Variants in CALM3 observed in about 807,000 individuals in gnomAD.
CALM3 encodes the protein calmodulin 3.
In CALM3, 5 loss-of-function variants were observed where a neutral mutation model predicts 20.1. The ratio of observed to expected loss-of-function variants is 0.25; its 90% CI spans 0.13 to 0.52. The LOEUF is 0.52. Among genes scored for constraint, CALM3 ranks in the 20% least tolerant of loss-of-function variants. The probability of loss-of-function intolerance (pLI) is 0.96; values close to 1 mark genes in which losing one functional copy is unlikely to be tolerated. For missense variants in CALM3, 57 were observed against 192.8 expected, an observed-to-expected ratio of 0.30 and a Z score of 4.17; for synonymous variants, 69 against 68.1, an observed-to-expected ratio of 1.01 and a Z score of -0.06.
chr19:46,607,498 C>T (rs1398200967), intron 2 of CALM3, among the ~76,000 whole-genome samples: 1 of 152,204 alleles, frequency 6.6e-6, no homozygotes, highest in Non-Finnish European at 1.5e-5. Context: ...CCTGATGCGG[C>T]CCCAGCTGTG....
chr19:46,609,049 A>T, intron 5 of CALM3, 68 bp downstream of exon 5: 3 of 1,612,230 alleles, frequency 1.9e-6, no homozygotes, highest in East Asian at 2.2e-5. Flanking sequence ...AAGCCCCCAG[A>T]TCCCTCTTGT....
In CALM3 at chr19:46,609,966, G is replaced by C. The variant is rs757560245; in HGVS notation, c.*813G>C. ...ACATCCCATGCCGCTCCCTCCTCAC[G>C]ATGCACCCACCGCCCTGAGGGCCCG... On this transcript the variant is annotated 3_prime_UTR_variant, in exon 6 of 6. Coordinates refer to ENST00000291295, the MANE Select transcript of CALM3 (RefSeq NM_005184.4). 1 of 152,726 alleles carries C rather than the reference G, an allele frequency of 6.5e-6. No individual in the cohort carries two copies. The highest frequency in any genetic ancestry group is 1.5e-5 in the Non-Finnish European group (1 of 68,136). 9.5% of individuals were successfully genotyped at this position (152,726 alleles called of 1,614,324 possible).
chr19:46,608,378 G>A lies in CALM3; in HGVS notation c.178+38G>A, dbSNP rs1409940435. ...GAGCGCGTGGGCAGCCCTGCTCCTGGTCACCCCGAGTGACTGCAGGGAGCC... is the reference window on the plus strand; with the variant it reads ...GAGCGCGTGGGCAGCCCTGCTCCTGATCACCCCGAGTGACTGCAGGGAGCC... On this transcript the variant is annotated intron_variant, in intron 3 of 5. Transcript: ENST00000291295. This position sits in a 1 kb window ranked among gnomAD's most constrained non-coding sequence, Gnocchi z 5.5. 3 of 1,612,614 alleles carry A rather than the reference G, an allele frequency of 1.9e-6. No individual in the cohort carries two copies. Among genetic ancestry groups the A allele is most frequent in the Admixed American group, 1.7e-5 (1 of 59,968 alleles).
chr19:46,607,311 A>G (rs999242582), intron 2 of CALM3, among the ~76,000 whole-genome samples: 41 of 152,060 alleles, frequency 2.7e-4, no homozygotes, highest in African/African-American at 8.7e-4. Flanking sequence ...GTGCAACATA[A>G]ACGGTCTGCT....
At chr19:46,607,580 C>G (rs889055834) in intron 2 of CALM3, among the ~76,000 whole-genome samples, 1 of 152,206 alleles carries the variant, frequency 6.6e-6, no homozygotes, top group Non-Finnish European at 1.5e-5. Context: ...TCCATCCCCC[C>G]ATCAACCCCA....
chr19:46,601,102 G>A, upstream of CALM3: 1 of 952,886 alleles, frequency 1.0e-6, no homozygotes, highest in African/African-American at 1.7e-5. The surrounding 1 kb of genome is among the most constrained non-coding windows in gnomAD (Gnocchi z 4.2). Flanking sequence ...CCGGCGACGG[G>A]AGCGAGCGCG....
intron 2 of CALM3, chr19:46,606,399 G>A (rs2122233742): frequency 6.5e-6 from 1 of 152,998 alleles, no homozygotes; most frequent in African/African-American, 2.4e-5. Flanking sequence ...TGTCCCCTCG[G>A]GGAGGCCTTC....
At chr19:46,602,034 T>C in intron 1 of CALM3, 1 of 500,310 alleles carries the variant, frequency 2.0e-6, no homozygotes, top group Non-Finnish European at 2.7e-6. Context: ...CTCCCGAGGG[T>C]GGGGGAGGGT....
At chr19:46,604,993 C>T (rs1293224541) in intron 1 of CALM3, among the ~76,000 whole-genome samples, 1 of 152,144 alleles carries the variant, frequency 6.6e-6, no homozygotes, top group Non-Finnish European at 1.5e-5. Context: ...CCCCAAACCC[C>T]GCATGCAGCA....
rs1568661404 is a variant in CALM3 at position 46,601,449 on chromosome 19, T to C, written c.3+12T>C. 3.3e-6 allele frequency: 5 copies of C among 1,495,306 alleles called. No individual in the cohort carries two copies. The highest frequency in any genetic ancestry group is 2.5e-5 in the South Asian group (2 of 81,094). The allele number at this position is 1,495,306 out of a possible 1,614,324, so 92.6% of individuals were successfully genotyped here. A position where few individuals can be genotyped will look rare whatever the true frequency, so the allele number is the denominator to read the frequency against. On this transcript the variant is annotated intron_variant, in intron 1 of 5. Coordinates refer to ENST00000291295, the MANE Select transcript of CALM3 (RefSeq NM_005184.4). The surrounding 1 kb of genome is among the most constrained non-coding windows in gnomAD (Gnocchi z 4.2). ...CGGGCCTCGCCATGGTGAGTGAGGC[T>C]GGGGGGTCGCCGAGGCTGCGGGCTC... is the stretch of plus-strand genomic sequence containing the variant.
At chr19:46,602,324 C>A in intron 1 of CALM3, 4 of 724,512 alleles carry the variant, frequency 5.5e-6, no homozygotes, top group South Asian at 1.7e-5. Context: ...TCTAGAAAGA[C>A]AGAATTTTTT....
In CALM3 at chr19:46,605,047, C is replaced by G. The variant is rs958766516; in HGVS notation, c.4-780C>G. On this transcript the variant is annotated intron_variant, in intron 1 of 5. Transcript: ENST00000291295. The surrounding 1 kb of genome is among the most constrained non-coding windows in gnomAD (Gnocchi z 4.1). The stretch of plus-strand genomic sequence containing the variant: ...CTGGCCAGTCCCCAGAGTGCCCAAG[C>G]TGGAAAGGGTTAAAAACTGCAGTGC... 5 of 152,256 alleles carry G rather than the reference C, an allele frequency of 3.3e-5. No homozygotes were observed. The highest frequency in any genetic ancestry group is 1.2e-4 in the African/African-American group (5 of 41,432). 9.4% of individuals were successfully genotyped at this position (152,256 alleles called of 1,614,324 possible).
rs538439016 is a variant in CALM3, at chr19:46,605,590, G to A, written c.4-237G>A. On this transcript the variant is annotated intron_variant, in intron 1 of 5. Coordinates refer to ENST00000291295, the MANE Select transcript of CALM3 (RefSeq NM_005184.4). The surrounding 1 kb of genome is among the most constrained non-coding windows in gnomAD (Gnocchi z 4.1). ...TGGGTCTGGGCAGCTTCATCGGGCC[G>A]TGCGTCCAGCAGGCCTGAGTGTCCA... Among the ~76,000 whole-genome samples, 101 of 152,360 alleles carry A rather than the reference G, an allele frequency of 6.6e-4. No individual in the cohort carries two copies. The highest frequency in any genetic ancestry group is 2.2e-3 in the African/African-American group (90 of 41,596).
chr19:46,602,067 C>T, intron 1 of CALM3: 1 of 1,294,972 alleles, frequency 7.7e-7, no homozygotes. Flanking sequence ...TCTCCAGAGC[C>T]CAGCACTGCA....
chr19:46,601,281 G>A (rs1222810200), upstream of CALM3: 1 of 585,936 alleles, frequency 1.7e-6, no homozygotes, highest in African/African-American at 2.0e-5. The surrounding 1 kb of genome is among the most constrained non-coding windows in gnomAD (Gnocchi z 4.2). Context: ...CGGCCGTTGA[G>A]GGACCGTTGG....
At chr19:46,604,551 T>TG (rs899508452) in intron 1 of CALM3, among the ~76,000 whole-genome samples, 29 of 151,562 alleles carry the variant, frequency 1.9e-4, no homozygotes, top group African/African-American at 5.3e-4. Flanking sequence ...CGTTAGGTTT[T>TG]TTTTTTTTTT....
Position 46,608,681 on chromosome 19 carries a change from G to A in CALM3, c.285+93G>A. On this transcript the variant is annotated intron_variant, in intron 4 of 5. Coordinates refer to ENST00000291295, the MANE Select transcript of CALM3 (RefSeq NM_005184.4). The surrounding 1 kb of genome is among the most constrained non-coding windows in gnomAD (Gnocchi z 5.5). ...AGCCACGGAGCTACCACTTCCAGGA[G>A]GTCCGGGTCCCGGTGCCAGCCTCAT... 1.5e-6 allele frequency: 2 copies of A among 1,295,764 alleles called. No individual in the cohort carries two copies. The highest frequency in any genetic ancestry group is 1.1e-6 in the Non-Finnish European group (1 of 916,210). 80.3% of individuals were successfully genotyped at this position (1,295,764 alleles called of 1,614,324 possible). A position where few individuals can be genotyped will look rare whatever the true frequency, so the allele number is the denominator to read the frequency against.
At position 46,608,180 on chromosome 19, in the gene CALM3, C is replaced by A; in HGVS notation, c.35-17C>A. On this transcript the variant is annotated splice_polypyrimidine_tract_variant and intron_variant, in intron 2 of 5. Coordinates refer to ENST00000291295, the MANE Select transcript of CALM3 (RefSeq NM_005184.4). This position sits in a 1 kb window ranked among gnomAD's most constrained non-coding sequence, Gnocchi z 5.5. ...GTGGACCTTGTGACCTCTGACTCCT[C>A]CCCCTTCTTCCCCCAGAGTTCAAGG... is the stretch of plus-strand genomic sequence containing the variant. 1 of 1,611,040 alleles carries A rather than the reference C, an allele frequency of 6.2e-7. No individual in the cohort carries two copies.
chr19:46,602,255 G>T, intron 1 of CALM3: 17 of 1,323,022 alleles, frequency 1.3e-5, no homozygotes, highest in Non-Finnish European at 1.7e-5. Flanking sequence ...GGACCCTTGG[G>T]GTTAATTTGG....
Sources: allele counts gnomAD v4.1 joint callset (sites outside exome capture counted in the v4.1 genomes callset), GRCh38; gene constraint gnomAD v4.1.1; non-coding constraint Gnocchi (gnomAD v3.1); transcripts MANE v1.5; gene names NCBI Gene and HGNC (gene_info 2026-07-23, HGNC 2026-07-21).